Variants in WDR72 observed in about 807,000 individuals in gnomAD.
WDR72 encodes the protein WD repeat-containing protein 72.
WDR72 carries 120 observed loss-of-function variants against 124.2 expected under a neutral mutation model. That is an observed-to-expected ratio of 0.97 (90% CI 0.83 to 1.12). WDR72 has a LOEUF of 1.12. WDR72 is among the 50% of genes most tolerant of loss of function. The pLI, the probability that WDR72 is intolerant of heterozygous loss-of-function variation, is 0.00. For synonymous variants in WDR72, 452 were observed against 441.7 expected (o/e 1.02, Z -0.29); for missense variants, 1,387 against 1,278.8 (o/e 1.08, Z -1.29).
At chr15:53,537,236 C>T (rs1892811070) in intron 18 of WDR72, among the ~76,000 whole-genome samples, 1 of 152,134 alleles carries the variant, frequency 6.6e-6, no homozygotes, top group African/African-American at 2.4e-5. Flanking sequence ...TTTGGTAATA[C>T]AAGGATTCTG....
chr15:53,729,663 G>A (rs1189986870), intron 2 of WDR72, among the ~76,000 whole-genome samples: 3 of 151,966 alleles, frequency 2.0e-5, no homozygotes, highest in African/African-American at 4.8e-5. Context: ...ACACACACTT[G>A]TCATTGCCTG....
intron 2 of WDR72, among the ~76,000 whole-genome samples, chr15:53,724,465 G>T (rs1472632822): frequency 2.0e-5 from 3 of 152,210 alleles, no homozygotes; most frequent in African/African-American, 7.2e-5. Flanking sequence ...CAGGAAGCAT[G>T]ACTGGGAAGC....
chr15:53,637,135 A>G (rs928461578), intron 14 of WDR72, among the ~76,000 whole-genome samples: 2 of 152,118 alleles, frequency 1.3e-5, no homozygotes, highest in African/African-American at 4.8e-5. Flanking sequence ...TTCACTTAAC[A>G]TGTTTTTGAG....
At chr15:53,534,757 G>A (rs574176172) in intron 18 of WDR72, among the ~76,000 whole-genome samples, 50 of 152,226 alleles carry the variant, frequency 3.3e-4, no homozygotes, top group African/African-American at 1.1e-3. Flanking sequence ...GGATACATGA[G>A]TCTAGGCAGG....
intron 18 of WDR72, among the ~76,000 whole-genome samples, chr15:53,543,997 G>T (rs1419461426): frequency 7.3e-5 from 11 of 151,444 alleles, no homozygotes; most frequent in South Asian, 2.1e-4. Context: ...AATAACAGGA[G>T]CTGAAATTGT....
chr15:53,567,826 A>C (rs1353662106), intron 18 of WDR72, among the ~76,000 whole-genome samples: 4 of 151,728 alleles, frequency 2.6e-5, no homozygotes, highest in Non-Finnish European at 5.9e-5. Context: ...CAAATTAATA[A>C]CTAATTTAAA....
At chr15:53,603,429 G>A (rs2013134002) in intron 17 of WDR72, among the ~76,000 whole-genome samples, 1 of 152,038 alleles carries the variant, frequency 6.6e-6, no homozygotes, top group South Asian at 2.1e-4. Context: ...ATCAGCACAA[G>A]ACAAGGATGC....
At chr15:53,700,006 C>A in intron 12 of WDR72, 61 bp from the exon 13 acceptor site, 2 of 1,602,624 alleles carry the variant, frequency 1.2e-6, no homozygotes, top group South Asian at 2.2e-5. Context: ...ATGAGTAAGT[C>A]AGATTTTTTT....
chr15:53,690,380 C>T (rs918379480), intron 13 of WDR72, among the ~76,000 whole-genome samples: 1 of 152,154 alleles, frequency 6.6e-6, no homozygotes, highest in Non-Finnish European at 1.5e-5. Context: ...AGTTTCAAAA[C>T]ATTTTCATCT....
At chr15:53,664,287 T>C (rs1474229860) in intron 14 of WDR72, among the ~76,000 whole-genome samples, 1 of 152,194 alleles carries the variant, frequency 6.6e-6, no homozygotes, top group Non-Finnish European at 1.5e-5. Flanking sequence ...ATAACCAGAA[T>C]GCCAATTAAA....
upstream of WDR72, among the ~76,000 whole-genome samples, chr15:53,760,960 C>T (rs2019052586): frequency 6.6e-6 from 1 of 151,996 alleles, no homozygotes; most frequent in Non-Finnish European, 1.5e-5. Context: ...CCTGTCTCTA[C>T]TGAAAATGCA....
chr15:53,686,741 A>C (rs1357102283), intron 13 of WDR72, among the ~76,000 whole-genome samples: 1 of 149,850 alleles, frequency 6.7e-6, no homozygotes, highest in Non-Finnish European at 1.5e-5. Context: ...TCTCCACCCC[A>C]AATCAACAGA....
At chr15:53,534,466 A>G (rs546389389) in intron 18 of WDR72, among the ~76,000 whole-genome samples, 1 of 152,258 alleles carries the variant, frequency 6.6e-6, no homozygotes, top group African/African-American at 2.4e-5. Flanking sequence ...ATTCTCATAA[A>G]TCATAAACTT....
At chr15:53,743,870 G>GA (rs1383542251) in intron 1 of WDR72, among the ~76,000 whole-genome samples, 2 of 152,170 alleles carry the variant, frequency 1.3e-5, no homozygotes, top group African/African-American at 4.8e-5. Flanking sequence ...AGCTACTTGG[G>GA]AGGCTGAGGC....
At chr15:53,645,506 A>G (rs2015009661) in intron 14 of WDR72, among the ~76,000 whole-genome samples, 1 of 152,144 alleles carries the variant, frequency 6.6e-6, no homozygotes, top group African/African-American at 2.4e-5. Context: ...TACATTTTTA[A>G]TGCATATATC....
At chr15:53,561,883 C>T (rs1182204393) in intron 18 of WDR72, among the ~76,000 whole-genome samples, 1 of 151,728 alleles carries the variant, frequency 6.6e-6, no homozygotes, top group African/African-American at 2.4e-5. Context: ...AGAGATGGGA[C>T]CACCACTGTA....
In WDR72 at chr15:53,665,767, G is replaced by A. The variant is rs1009657836; in HGVS notation, c.1767C>T (p.Gly589=). 5 of 1,613,388 alleles carry A rather than the reference G, an allele frequency of 3.1e-6. No individual in the cohort carries two copies. Among genetic ancestry groups the A allele is most frequent in the Admixed American group, 1.7e-5 (1 of 59,924 alleles). ...CTCCTGTCTCATGTCTTTCCAAAGT[G>A]CCTGGAAAACAAGATTAGAGGTAAA... ...DSVYIWEIET[G]TLERHETGER... Residue 589 remains glycine, a splice_region_variant and synonymous_variant, in exon 14 of 20, where the codon GGC becomes GGT. Coordinates refer to ENST00000360509, the MANE Select transcript of WDR72 (RefSeq NM_182758.4).
chr15:53,543,861 C>G (rs984965917), intron 18 of WDR72, among the ~76,000 whole-genome samples: 1 of 152,196 alleles, frequency 6.6e-6, no homozygotes, highest in Non-Finnish European at 1.5e-5. Flanking sequence ...GTACTACAAA[C>G]ACCTCTACAA....
chr15:53,560,858 C>T (rs1303613472), intron 18 of WDR72, among the ~76,000 whole-genome samples: 1 of 151,274 alleles, frequency 6.6e-6, no homozygotes, highest in African/African-American at 2.4e-5. Context: ...CAGCCCCGGC[C>T]CCCCAAAAAA....
Sources: allele counts gnomAD v4.1 joint callset (sites outside exome capture counted in the v4.1 genomes callset), GRCh38; gene constraint gnomAD v4.1.1; transcripts MANE v1.5; gene names NCBI Gene and HGNC (gene_info 2026-07-23, HGNC 2026-07-21).